The following SCARB1 variants were observed in gnomAD, a reference collection of about 807,000 sequenced individuals.
SCARB1 encodes CD36 and LIMPII analogous 1.
A neutral mutation model predicts 57.2 loss-of-function variants in SCARB1; 30 were observed. The observed-to-expected ratio is 0.52, with a 90% CI of 0.39 to 0.71. The LOEUF is 0.71. SCARB1 is among the 30% of genes least tolerant of loss of function. The pLI is 0.00. For missense variants in SCARB1, 543 were observed against 671.2 expected (o/e 0.81, Z 2.11); for synonymous variants, 249 against 268.3 (o/e 0.93, Z 0.70).
In SCARB1 at chr12:124,778,112, C is replaced by CA. The variant is rs1872678537; in HGVS notation, c.*474dup. The CA allele has an allele frequency of 4.6e-6, 1 of 217,164 alleles. No homozygotes were observed. The highest frequency in any genetic ancestry group is 2.3e-5 in the African/African-American group (1 of 43,874). The allele number at this position is 217,164 out of a possible 1,614,324, so 13.5% of individuals were successfully genotyped here. A position where few individuals can be genotyped will look rare whatever the true frequency, so the allele number is the denominator to read the frequency against. On this transcript the variant is annotated 3_prime_UTR_variant, in exon 13 of 13. Coordinates refer to ENST00000261693, the MANE Select transcript of SCARB1 (RefSeq NM_005505.5). ...GGCCAGGGCCTGGGCACTGAGTCCC[C>CA]ACTGAATTTGGCACAGGAAGGCGGC...
In SCARB1 at chr12:124,817,114, GTGTA is replaced by G. The variant is rs913933494; in HGVS notation, c.284+432_284+435del. Among the ~76,000 whole-genome samples the G allele has an allele frequency of 1.3e-4, 18 of 138,412 alleles. No individual in the cohort carries two copies. Among genetic ancestry groups the G allele is most frequent in the African/African-American group, 2.6e-4 (10 of 38,858 alleles). 90.8% of individuals were successfully genotyped at this position (138,412 alleles called of 152,430 possible). On this transcript the variant is annotated intron_variant, in intron 2 of 12. Transcript: ENST00000261693. The surrounding 1 kb of genome is among the most constrained non-coding windows in gnomAD (Gnocchi z 4.8). The stretch of plus-strand genomic sequence containing the variant: ...TGTGTGTGTGTATGTGTATGTACGT[GTGTA>G]TGTATGTATGTGTGTATGTGTATGT...
rs1950651409 is a variant in SCARB1, at chr12:124,815,025, T to G, written c.374A>C (p.Lys125Thr). The part of the protein sequence containing the change: ...EYRTFQFQPS[K>T]SHGSESDYIV... ...GTAGTCGCTCTCCGAGCCGTGGGAC[T>G]TGGAGGGCTGGAACTGGAAGGTGCG... is the stretch of plus-strand genomic sequence containing the variant. The change falls in exon 3 of 13, where the codon AAG becomes ACG. Residue 125 changes from lysine (K) to threonine (T), a missense_variant. Physicochemically the swap from Lys to Thr is moderately conservative, Grantham distance 78 (BLOSUM62 -1). Coordinates refer to ENST00000261693, the MANE Select transcript of SCARB1 (RefSeq NM_005505.5). 4 of 1,614,166 alleles carry G rather than the reference T, an allele frequency of 2.5e-6. No individual in the cohort carries two copies. The East Asian group carries it at 8.9e-5, about 36-fold the overall frequency.
chr12:124,807,715 C>A lies in SCARB1; in HGVS notation c.1009+46G>T. The A allele has an allele frequency of 6.2e-7, 1 of 1,602,584 alleles. No individual in the cohort carries two copies. ...GGGCAGATAAACCCTCAGCTGGCCC[C>A]ACCCTCACACCCTCCCGCCATCCCA... On this transcript the variant is annotated intron_variant, in intron 7 of 12. Coordinates refer to ENST00000261693, the MANE Select transcript of SCARB1 (RefSeq NM_005505.5). This position sits in a 1 kb window ranked among gnomAD's most constrained non-coding sequence, Gnocchi z 5.3.
intron 5 of SCARB1, among the ~76,000 whole-genome samples, chr12:124,811,452 T>C (rs1950523724): frequency 6.6e-6 from 1 of 151,798 alleles, no homozygotes; most frequent in African/African-American, 2.4e-5. Context: ...TTTTGTATTT[T>C]AGTAGAGACA....
chr12:124,847,249 C>T (rs1049623706), intron 1 of SCARB1, among the ~76,000 whole-genome samples: 1 of 152,256 alleles, frequency 6.6e-6, no homozygotes, highest in African/African-American at 2.4e-5. Flanking sequence ...TGGGAACAGA[C>T]AGTGGAAGGA....
chr12:124,851,315 A>T (rs980530611), intron 1 of SCARB1, among the ~76,000 whole-genome samples: 5 of 152,164 alleles, frequency 3.3e-5, no homozygotes, highest in African/African-American at 1.2e-4. Context: ...TAATTCTAGA[A>T]TCGCATTCAG....
chr12:124,837,742 TA>T (rs35799687), intron 1 of SCARB1, among the ~76,000 whole-genome samples: 103,574 of 146,020 alleles, frequency 0.71, 37,415 homozygotes, highest in Admixed American at 0.82. Context: ...CACCAACCTA[TA>T]AAAAAAAAAA....
At chr12:124,783,037 C>A (rs1949375438) in intron 11 of SCARB1, 1 of 526,988 alleles carries the variant, frequency 1.9e-6, no homozygotes, top group Non-Finnish European at 3.4e-6. Flanking sequence ...ACAAGCCAAG[C>A]TGAAAAGGGC....
At chr12:124,854,606 C>T (rs556954944) in intron 1 of SCARB1, among the ~76,000 whole-genome samples, 17 of 152,090 alleles carry the variant, frequency 1.1e-4, no homozygotes, top group Non-Finnish European at 1.6e-4. Context: ...GATGGCGCCT[C>T]GGGCGTGGTG....
intron 1 of SCARB1, among the ~76,000 whole-genome samples, chr12:124,857,195 G>A (rs2135853031): frequency 6.6e-6 from 1 of 152,244 alleles, no homozygotes; most frequent in Middle Eastern, 3.4e-3. Context: ...TCAACCGCTT[G>A]GAGCTATGTG....
At position 124,822,394 on chromosome 12, in the gene SCARB1, C is replaced by A. The variant is rs193248949; in HGVS notation, c.127-4687G>T. 6.6e-6 allele frequency among the ~76,000 whole-genome samples: 1 copy of A among 152,212 alleles called. No individual in the cohort carries two copies. Among genetic ancestry groups the A allele is most frequent in the Admixed American group, 6.5e-5 (1 of 15,292 alleles). ...ACACAGGTGAGCCTCAGAAGCACTACCCCAAGCAAAAAAAAGAAAAGAAGA... is the reference window on the plus strand; with the variant it reads ...ACACAGGTGAGCCTCAGAAGCACTAACCCAAGCAAAAAAAAGAAAAGAAGA... On this transcript the variant is annotated intron_variant, in intron 1 of 12. Coordinates refer to ENST00000261693, the MANE Select transcript of SCARB1 (RefSeq NM_005505.5). This position sits in a 1 kb window ranked among gnomAD's most constrained non-coding sequence, Gnocchi z 5.0.
rs746030637 is a variant in SCARB1, at chr12:124,811,914, T to A, written c.682A>T (p.Ile228Phe). ...TTGTCCACGAGGTGGATCCTGCTGA[T>A]GTTCTGGACCCCCGTGAACACCGTG... Reference protein sequence around the residue: ...LFTVFTGVQNISRIHLVDKWN... With the variant: ...LFTVFTGVQNFSRIHLVDKWN... The change falls in exon 5 of 13, where the codon ATC (isoleucine) becomes TTC (phenylalanine). Residue 228 changes from isoleucine to phenylalanine, a missense_variant. Coordinates refer to ENST00000261693, the MANE Select transcript of SCARB1 (RefSeq NM_005505.5). 6.2e-7 allele frequency: 1 copy of A among 1,613,440 alleles called. No individual in the cohort carries two copies. The highest frequency in any genetic ancestry group is 8.5e-7 in the Non-Finnish European group (1 of 1,179,762).
rs749801989 is a variant in SCARB1 at position 124,817,671 on chromosome 12, T to G, written c.163A>C (p.Met55Leu). 4 of 1,614,006 alleles carry G rather than the reference T, an allele frequency of 2.5e-6. No homozygotes were observed. The highest frequency in any genetic ancestry group is 3.3e-5 in the Admixed American group (2 of 60,000). Residue 55 changes from methionine to leucine, a missense_variant, in exon 2 of 13, where the codon ATG becomes CTG. Met to Leu is a conservative substitution (Grantham distance 15). Coordinates refer to ENST00000261693, the MANE Select transcript of SCARB1 (RefSeq NM_005505.5). The surrounding 1 kb of genome is among the most constrained non-coding windows in gnomAD (Gnocchi z 4.8). ...RIDPSSLSFN[M>L]WKEIPIPFYL... is the part of the protein sequence containing the mutation. ...AAGGGGATAGGGATCTCCTTCCACA[T>G]GTTGAAGGACAGGCTACTGGGGTCG... is the stretch of plus-strand genomic sequence containing the variant.
intron 12 of SCARB1, among the ~76,000 whole-genome samples, chr12:124,782,070 T>TC (rs1019302876): frequency 9.2e-5 from 14 of 151,960 alleles, no homozygotes; most frequent in African/African-American, 1.2e-4. Context: ...CACACCCAGC[T>TC]AATTTTTTTT....
In SCARB1 at chr12:124,786,489, C is replaced by T. The variant is rs1421390783; in HGVS notation, c.1269G>A (p.Glu423=). 3 of 1,614,126 alleles carry T rather than the reference C, an allele frequency of 1.9e-6. No homozygotes were observed. The highest frequency in any genetic ancestry group is 1.3e-5 in the African/African-American group (1 of 75,070). ...TGTAGAATGTGTGAAGAGTCTCCCC[C>T]TCCATGGCCCCGCTCTGAGGAGACA... ...LLWFAESGAM[E]GETLHTFYTQ... is the part of the protein sequence containing the mutation. The change falls in exon 11 of 13, where the codon GAG becomes GAA. Residue 423 remains glutamate, a synonymous_variant. Coordinates refer to ENST00000261693, the MANE Select transcript of SCARB1 (RefSeq NM_005505.5).
chr12:124,789,991 C>T lies in SCARB1; in HGVS notation c.1203-2534G>A, dbSNP rs529062351. Among the ~76,000 whole-genome samples, 2 of 140,080 alleles carry T rather than the reference C, an allele frequency of 1.4e-5. No homozygotes were observed. Among genetic ancestry groups the T allele is most frequent in the Admixed American group, 7.6e-5 (1 of 13,244 alleles). 91.9% of individuals were successfully genotyped at this position (140,080 alleles called of 152,430 possible). ...ATGCCATTGCACTCCAGCCTGGCGACAGAGTGAGACTCCGTCTCAAAAAAA... is the reference window on the plus strand; with the variant it reads ...ATGCCATTGCACTCCAGCCTGGCGATAGAGTGAGACTCCGTCTCAAAAAAA... On this transcript the variant is annotated intron_variant, in intron 9 of 12. Transcript: ENST00000261693. The surrounding 1 kb of genome is among the most constrained non-coding windows in gnomAD (Gnocchi z 4.4).
At chr12:124,845,381 A>G (rs940698752) in intron 1 of SCARB1, among the ~76,000 whole-genome samples, 9 of 151,992 alleles carry the variant, frequency 5.9e-5, no homozygotes, top group African/African-American at 2.2e-4. Context: ...AAGGCCACAC[A>G]TTGCATGATT....
At chr12:124,838,167 A>G (rs1340966390) in intron 1 of SCARB1, among the ~76,000 whole-genome samples, 1 of 152,196 alleles carries the variant, frequency 6.6e-6, no homozygotes, top group Admixed American at 6.5e-5. Context: ...TGCCAACCCC[A>G]GCCTAGACCA....
chr12:124,787,025 G>A (rs1949550981), intron 10 of SCARB1, among the ~76,000 whole-genome samples: 1 of 152,190 alleles, frequency 6.6e-6, no homozygotes, highest in Non-Finnish European at 1.5e-5. Context: ...AATAAAACAA[G>A]CTAGGCCAGA....
Sources: allele counts gnomAD v4.1 joint callset (sites outside exome capture counted in the v4.1 genomes callset), GRCh38; gene constraint gnomAD v4.1.1; non-coding constraint Gnocchi (gnomAD v3.1); transcripts MANE v1.5; gene names NCBI Gene and HGNC (gene_info 2026-07-23, HGNC 2026-07-21).